Variants in RAI14 observed in about 807,000 individuals in gnomAD.
RAI14 encodes the protein ankycorbin.
A neutral mutation model predicts 115.4 loss-of-function variants in RAI14; 45 were observed. That is an observed-to-expected ratio of 0.39 (90% CI 0.31 to 0.50). The LOEUF (loss-of-function observed/expected upper bound fraction) is 0.50. Ranked by LOEUF, RAI14 falls within the 20% of genes least tolerant of loss-of-function variation. RAI14 has a pLI of 0.85. For synonymous variants in RAI14, 371 were observed against 415.4 expected (o/e 0.89, Z 1.30); for missense variants, 939 against 1,131.2 (o/e 0.83, Z 2.44).
At chr5:34,728,922 G>C (rs1465696237) in intron 2 of RAI14, among the ~76,000 whole-genome samples, 6 of 151,812 alleles carry the variant, frequency 4.0e-5, no homozygotes, top group Non-Finnish European at 5.9e-5. Flanking sequence ...TCTCTAAACA[G>C]ATAGACAAAA....
At chr5:34,682,958 G>A (rs1744495001) in intron 1 of RAI14, among the ~76,000 whole-genome samples, 2 of 152,180 alleles carry the variant, frequency 1.3e-5, no homozygotes, top group African/African-American at 4.8e-5. Flanking sequence ...TTGTAGCTCA[G>A]CCTGGGCTTT....
intron 5 of RAI14, among the ~76,000 whole-genome samples, chr5:34,805,375 G>GC (rs1242906351): frequency 2.0e-5 from 3 of 152,030 alleles, no homozygotes; most frequent in African/African-American, 7.3e-5. Context: ...ATTACCTCCT[G>GC]CTGCCCCCCA....
intron 2 of RAI14, among the ~76,000 whole-genome samples, chr5:34,746,634 A>C (rs112228575): frequency 0.033 from 4,948 of 150,746 alleles, 259 homozygotes; most frequent in African/African-American, 0.12. Context: ...TGAACTCCTG[A>C]CCTCAAGGGA....
At position 34,730,133 on chromosome 5, in the gene RAI14, A is replaced by G. The variant is rs552420838; in HGVS notation, c.37-27335A>G. 1.6e-3 allele frequency among the ~76,000 whole-genome samples: 245 copies of G among 152,276 alleles called. 2 individuals carry two copies. The highest frequency in any genetic ancestry group is 3.4e-3 in the Middle Eastern group (1 of 294). On this transcript the variant is annotated intron_variant, in intron 2 of 17. Transcript: ENST00000265109. ...AGCAGGATGATGAATTATCCACTCT[A>G]TTTTTGGATATATTTAAGTATTTCC...
chr5:34,695,837 T>C (rs925367079), intron 2 of RAI14, among the ~76,000 whole-genome samples: 3 of 151,298 alleles, frequency 2.0e-5, no homozygotes, highest in Non-Finnish European at 4.4e-5. Context: ...ACAGTGTCTT[T>C]CTTAGTGTCT....
chr5:34,813,124 T>C (rs1755803058), intron 10 of RAI14, among the ~76,000 whole-genome samples: 1 of 152,248 alleles, frequency 6.6e-6, no homozygotes, highest in Non-Finnish European at 1.5e-5. Context: ...ATACTAAATT[T>C]ATGTGCTAAC....
chr5:34,689,362 G>A (rs981489981), intron 2 of RAI14, among the ~76,000 whole-genome samples: 7 of 152,152 alleles, frequency 4.6e-5, no homozygotes, highest in South Asian at 2.1e-4. Context: ...TTGTGTTCAC[G>A]CCACTGCACT....
intron 8 of RAI14, 78 bp from the exon 9 acceptor site, chr5:34,811,684 CTCTTT>C (rs1580339464): frequency 1.6e-6 from 2 of 1,270,812 alleles, no homozygotes; most frequent in Non-Finnish European, 2.2e-6. Flanking sequence ...ATCTTCTTTT[CTCTTT>C]TTTTAAGACA....
At chr5:34,753,744 C>T (rs1336448384) in intron 2 of RAI14, among the ~76,000 whole-genome samples, 8 of 151,938 alleles carry the variant, frequency 5.3e-5, no homozygotes, top group Non-Finnish European at 7.4e-5. Context: ...TGAAACCCCA[C>T]CTCTACTAAA....
At chr5:34,754,295 C>G (rs901073498) in intron 2 of RAI14, among the ~76,000 whole-genome samples, 3 of 152,146 alleles carry the variant, frequency 2.0e-5, no homozygotes. Flanking sequence ...CTAGACAACT[C>G]TGCTATTTGA....
At chr5:34,712,611 A>G (rs1406041109) in intron 2 of RAI14, among the ~76,000 whole-genome samples, 1 of 152,244 alleles carries the variant, frequency 6.6e-6, no homozygotes, top group Non-Finnish European at 1.5e-5. Flanking sequence ...TTTAAATGAT[A>G]AAATGCCTTA....
intron 1 of RAI14, among the ~76,000 whole-genome samples, chr5:34,660,778 CT>C (rs559034141): frequency 0.031 from 4,475 of 145,050 alleles, 70 homozygotes; most frequent in Middle Eastern, 0.047. Context: ...TGGGCACATT[CT>C]TTTTTTTTTT....
intron 2 of RAI14, among the ~76,000 whole-genome samples, chr5:34,692,551 A>ATAAAT (rs1738765151): frequency 6.6e-6 from 1 of 152,078 alleles, no homozygotes; most frequent in African/African-American, 2.4e-5. Flanking sequence ...ATAAAATAAA[A>ATAAAT]TAAAATCCAA....
intron 1 of RAI14, among the ~76,000 whole-genome samples, chr5:34,678,309 T>G (rs1744140741): frequency 6.6e-6 from 1 of 152,194 alleles, no homozygotes; most frequent in Non-Finnish European, 1.5e-5. Context: ...TGCCATGTTC[T>G]GAGTTTGACA....
chr5:34,811,713 G>A (rs534355797), intron 8 of RAI14, 54 bp from the exon 9 acceptor site: 15 of 1,470,266 alleles, frequency 1.0e-5, no homozygotes, highest in Non-Finnish European at 1.4e-5. Flanking sequence ...GATTTCCCAA[G>A]AAAGACTTTT....
In RAI14 at chr5:34,689,797, A is replaced by G. The variant is rs898153481; in HGVS notation, c.36+2842A>G. Among the ~76,000 whole-genome samples the G allele has an allele frequency of 2.6e-5, 4 of 152,202 alleles. No homozygotes were observed. In the East Asian group the frequency reaches 7.7e-4, roughly 29 times the overall value. On this transcript the variant is annotated intron_variant, in intron 2 of 17. Transcript: ENST00000265109. ...TGAGGCAGGAGAATAGCTTGAACCCAGAAGGCGGAGGTTGTGGTGAGCAAG... is the reference window on the plus strand; with the variant it reads ...TGAGGCAGGAGAATAGCTTGAACCCGGAAGGCGGAGGTTGTGGTGAGCAAG...
At chr5:34,666,277 G>A (rs531320294) in intron 1 of RAI14, among the ~76,000 whole-genome samples, 2 of 152,164 alleles carry the variant, frequency 1.3e-5, no homozygotes, top group South Asian at 2.1e-4. Context: ...AGTACTCCTA[G>A]GCTCACAGAT....
At chr5:34,699,004 C>T (rs546334775) in intron 2 of RAI14, among the ~76,000 whole-genome samples, 30 of 152,208 alleles carry the variant, frequency 2.0e-4, no homozygotes, top group African/African-American at 6.0e-4. Flanking sequence ...CCTGTCCTGC[C>T]GTGCCAGCCA....
At chr5:34,708,482 G>A (rs1741004369) in intron 2 of RAI14, among the ~76,000 whole-genome samples, 1 of 152,134 alleles carries the variant, frequency 6.6e-6, no homozygotes, top group African/African-American at 2.4e-5. Flanking sequence ...GATTACAGGC[G>A]TGAGCCACCG....
Sources: gnomAD v4.1 joint callset for allele counts (sites outside exome capture counted in the v4.1 genomes callset) on GRCh38, gnomAD v4.1.1 for gene constraint, MANE v1.5 for transcripts, NCBI Gene and HGNC (gene_info 2026-07-23, HGNC 2026-07-21) for gene names.